ZNF790: variants seen among roughly 807,000 people sequenced by gnomAD.
ZNF790 encodes zinc finger protein 790.
ZNF790 carries 8 observed loss-of-function variants against 12.1 expected under a neutral mutation model. The observed-to-expected ratio is 0.66, with a 90% CI of 0.39 to 1.19. ZNF790 has a LOEUF of 1.19. Among genes scored for constraint, ZNF790 ranks in the 50% most tolerant of loss-of-function variants. The pLI is 0.01. For missense variants in ZNF790, 707 were observed against 752.2 expected (o/e 0.94, Z 0.70); for synonymous variants, 252 against 244.3 (o/e 1.03, Z -0.29).
Position 36,823,712 on chromosome 19 carries a change from A to G in ZNF790, c.88T>C (p.Tyr30His). 6.2e-7 allele frequency: 1 copy of G among 1,613,586 alleles called. No homozygotes were observed. The highest frequency in any genetic ancestry group is 8.5e-7 in the Non-Finnish European group (1 of 1,179,848). Reference protein sequence around the residue: ...ECLDLEQRDLYRDVMLENYSN... With the variant: ...ECLDLEQRDLHRDVMLENYSN... ...TAGTTCTCCAACATCACATCTCTAT[A>G]TAAATCCCTCTGTTCCAGGTCCAGG... The change falls in exon 3 of 5, where the codon TAT becomes CAT. Residue 30 changes from tyrosine (Y) to histidine (H), a missense_variant. By Grantham distance (83) the Tyr-to-His change is moderately conservative. Coordinates refer to ENST00000356725, the MANE Select transcript of ZNF790 (RefSeq NM_206894.4).
chr19:36,845,205 C>G (rs915235746), intron 1 of ZNF790, among the ~76,000 whole-genome samples: 10 of 151,906 alleles, frequency 6.6e-5, no homozygotes, highest in Admixed American at 5.9e-4. Context: ...TCATTTGCAT[C>G]TAGGAGTTCA....
At chr19:36,833,412 G>T (rs1205406613) in intron 1 of ZNF790, among the ~76,000 whole-genome samples, 2 of 152,110 alleles carry the variant, frequency 1.3e-5, no homozygotes, top group South Asian at 4.2e-4. Flanking sequence ...CAAAGTGCTG[G>T]GAATACAGGC....
chr19:36,846,974 G>A (rs2072186030), intron 1 of ZNF790, among the ~76,000 whole-genome samples: 1 of 152,168 alleles, frequency 6.6e-6, no homozygotes, highest in South Asian at 2.1e-4. Context: ...TAAGAAATAT[G>A]TATTTTGGTC....
Position 36,823,307 on chromosome 19 carries a change from A to T in ZNF790, c.207T>A (p.Asp69Glu). The change falls in exon 4 of 5, where the codon GAT (aspartate) becomes GAA (glutamate). Residue 69 changes from aspartate (D) to glutamate (E), a missense_variant. Asp to Glu is a conservative substitution (Grantham distance 45, BLOSUM62 2). Coordinates refer to ENST00000356725, the MANE Select transcript of ZNF790 (RefSeq NM_206894.4). ...CACCTGGGCAAGGTCCTCTTGTCTC[A>T]TCCCTCAAAATCTTCCAGGGCTCTT... ...KGKEPWKILR[D>E]ETRGPCPDMQ... The T allele has an allele frequency of 6.2e-7, 1 of 1,614,112 alleles. No homozygotes were observed. Among genetic ancestry groups the T allele is most frequent in the Non-Finnish European group, 8.5e-7 (1 of 1,180,004 alleles).
chr19:36,848,475 A>G (rs1324455516), intron 1 of ZNF790, among the ~76,000 whole-genome samples: 1 of 152,188 alleles, frequency 6.6e-6, no homozygotes, highest in Non-Finnish European at 1.5e-5. Flanking sequence ...AACATACAAA[A>G]ATGTGATTGC....
intron 1 of ZNF790, among the ~76,000 whole-genome samples, chr19:36,826,913 G>A (rs1028629865): frequency 7.3e-5 from 11 of 149,916 alleles, no homozygotes; most frequent in African/African-American, 2.4e-4. Context: ...GGAAATGCGC[G>A]AGGGGAGAAG....
chr19:36,849,822 A>G (rs1025790132), intron 1 of ZNF790, among the ~76,000 whole-genome samples: 1 of 151,098 alleles, frequency 6.6e-6, no homozygotes, highest in Non-Finnish European at 1.5e-5. Context: ...CCACACACTC[A>G]ATATGACCTC....
chr19:36,824,013 T>TTTTTTTTTTTG (rs953562825), intron 2 of ZNF790, among the ~76,000 whole-genome samples: 2 of 146,558 alleles, frequency 1.4e-5, no homozygotes, highest in African/African-American at 5.1e-5. Flanking sequence ...TTTTTTTTTT[T>TTTTTTTTTTTG]GAGACAAGAG....
intron 1 of ZNF790, among the ~76,000 whole-genome samples, chr19:36,827,141 C>CACACACACACACATATAT (rs1313807327): frequency 1.7e-4 from 14 of 84,438 alleles, no homozygotes; most frequent in South Asian, 8.3e-4. Context: ...CACACACACA[C>CACACACACACACATATAT]ATATATATAT....
intron 1 of ZNF790, chr19:36,827,591 C>A: frequency 6.5e-6 from 1 of 153,066 alleles, no homozygotes; most frequent in South Asian, 1.8e-4. Flanking sequence ...ACTTGGTGAC[C>A]ATTGTTTGTG....
chr19:36,827,162 A>G (rs1264703369), intron 1 of ZNF790, among the ~76,000 whole-genome samples: 5 of 136,960 alleles, frequency 3.7e-5, no homozygotes, highest in African/African-American at 8.0e-5. Flanking sequence ...ATATATATAT[A>G]TATATATATA....
At chr19:36,847,555 G>C (rs1473192571) in intron 1 of ZNF790, among the ~76,000 whole-genome samples, 1 of 151,672 alleles carries the variant, frequency 6.6e-6, no homozygotes, top group East Asian at 1.9e-4. Context: ...TTCGAGACAA[G>C]CCTGGACAAC....
chr19:36,826,874 A>G (rs2071815751), intron 1 of ZNF790, among the ~76,000 whole-genome samples: 1 of 150,084 alleles, frequency 6.7e-6, no homozygotes, highest in Non-Finnish European at 1.5e-5. Context: ...ATGGTACTTC[A>G]GCTGACTCTT....
intron 1 of ZNF790, among the ~76,000 whole-genome samples, chr19:36,848,550 A>C (rs1399008517): frequency 6.6e-6 from 1 of 152,180 alleles, no homozygotes; most frequent in African/African-American, 2.4e-5. Flanking sequence ...CAGGAATGTG[A>C]TGCTGGAGAA....
In ZNF790 at chr19:36,818,958, G is replaced by C; in HGVS notation, c.1386C>G (p.Gly462=). The C allele has an allele frequency of 1.2e-6, 2 of 1,609,926 alleles. No individual in the cohort carries two copies. Among genetic ancestry groups the C allele is most frequent in the Non-Finnish European group, 1.7e-6 (2 of 1,177,256 alleles). Residue 462 remains glycine (G), a synonymous_variant, in exon 5 of 5, where the codon GGC becomes GGG. Coordinates refer to ENST00000356725, the MANE Select transcript of ZNF790 (RefSeq NM_206894.4). The part of the protein sequence containing the change: ...CKECGKTFLH[G]SEFNRHQKIH... ...TTTTCTGATGTCGATTAAACTCTGA[G>C]CCATGAAGAAAGGTCTTTCCACATT...
At chr19:36,842,236 C>T (rs11883279), upstream of ZNF790, among the ~76,000 whole-genome samples, 4,257 of 152,180 alleles carry the variant, frequency 0.028, 203 homozygotes, top group African/African-American at 0.096. Context: ...AGGCAGAGGA[C>T]TTGTATCCAG....
At chr19:36,831,642 CAAAG>C (rs1009837343) in intron 1 of ZNF790, among the ~76,000 whole-genome samples, 42 of 151,952 alleles carry the variant, frequency 2.8e-4, no homozygotes, top group African/African-American at 9.9e-4. Context: ...CAAAATTTAA[CAAAG>C]AAACAAAAAT....
chr19:36,834,820 AAGAC>A (rs1458661265), intron 1 of ZNF790, among the ~76,000 whole-genome samples: 1 of 152,338 alleles, frequency 6.6e-6, no homozygotes, highest in East Asian at 1.9e-4. Flanking sequence ...CTTCAATAAA[AAGAC>A]TAGGAAGAAA....
rs756542677 is a variant in ZNF790 at position 36,823,726 on chromosome 19, T to A, written c.74A>T (p.Glu25Val). Residue 25 changes from glutamate (E) to valine (V), a missense_variant, in exon 3 of 5, where the codon GAA becomes GTA. Transcript: ENST00000356725. Reference protein sequence around the residue: ...SQEEWECLDLEQRDLYRDVML... With the variant: ...SQEEWECLDLVQRDLYRDVML... Reference sequence around the variant, plus strand: ...CACATCTCTATATAAATCCCTCTGTTCCAGGTCCAGGCACTCCCACTCCTC... The same window carrying A: ...CACATCTCTATATAAATCCCTCTGTACCAGGTCCAGGCACTCCCACTCCTC... The A allele has an allele frequency of 1.9e-6, 3 of 1,613,676 alleles. No individual in the cohort carries two copies. In the Admixed American group the frequency reaches 5.0e-5, roughly 27 times the overall value.
Sources: gnomAD v4.1 joint callset for allele counts (sites outside exome capture counted in the v4.1 genomes callset) on GRCh38, gnomAD v4.1.1 for gene constraint, MANE v1.5 for transcripts, NCBI Gene and HGNC (gene_info 2026-07-23, HGNC 2026-07-21) for gene names.